NOS1AP: variants seen among roughly 807,000 people sequenced by gnomAD.
NOS1AP encodes the protein carboxyl-terminal PDZ ligand of neuronal nitric oxide synthase protein.
Under a neutral mutation model 56.2 loss-of-function variants are expected in NOS1AP, and 21 were observed. That is an observed-to-expected ratio of 0.37 (90% CI 0.26 to 0.54). NOS1AP has a LOEUF of 0.54. NOS1AP is among the 20% of genes least tolerant of loss of function. NOS1AP has a pLI of 0.84. For synonymous variants in NOS1AP, 270 were observed against 274.6 expected (o/e 0.98, Z 0.17); for missense variants, 522 against 657.8 (o/e 0.79, Z 2.26).
chr1:162,262,160 C>G (rs1022848572), intron 2 of NOS1AP, among the ~76,000 whole-genome samples: 1 of 152,106 alleles, frequency 6.6e-6, no homozygotes, highest in Non-Finnish European at 1.5e-5. Flanking sequence ...GTCTGACACC[C>G]GTTTTGGTTT....
At chr1:162,110,147 C>G (rs916299484) in intron 1 of NOS1AP, among the ~76,000 whole-genome samples, 2 of 151,992 alleles carry the variant, frequency 1.3e-5, no homozygotes, top group Non-Finnish European at 2.9e-5. Context: ...CTGCTTTGCT[C>G]TCATTGAATA....
At chr1:162,147,605 A>G (rs1649529675) in intron 1 of NOS1AP, among the ~76,000 whole-genome samples, 1 of 152,202 alleles carries the variant, frequency 6.6e-6, no homozygotes, top group South Asian at 2.1e-4. Flanking sequence ...GAAGCCAGCA[A>G]GTGAAAGCAC....
intron 2 of NOS1AP, among the ~76,000 whole-genome samples, chr1:162,256,492 C>G (rs563752721): frequency 2.6e-4 from 40 of 152,318 alleles, no homozygotes; most frequent in African/African-American, 8.9e-4. Context: ...TTACTGTCTC[C>G]TTTCAGACTG....
intron 2 of NOS1AP, among the ~76,000 whole-genome samples, chr1:162,242,276 C>A (rs1653510069): frequency 6.6e-6 from 1 of 152,188 alleles, no homozygotes; most frequent in Non-Finnish European, 1.5e-5. Flanking sequence ...GAGTTTGTGA[C>A]TACTCTTGAA....
intron 1 of NOS1AP, among the ~76,000 whole-genome samples, chr1:162,128,702 T>C (rs1202293164): frequency 6.6e-6 from 1 of 152,182 alleles, no homozygotes. Flanking sequence ...AGGTATGTAG[T>C]TAAGTGTCTG....
intron 2 of NOS1AP, among the ~76,000 whole-genome samples, chr1:162,266,543 T>C (rs911747260): frequency 6.6e-6 from 1 of 152,230 alleles, no homozygotes; most frequent in African/African-American, 2.4e-5. Flanking sequence ...TTAGCTGGTC[T>C]CTACCACCAA....
chr1:162,281,097 C>T lies in NOS1AP; in HGVS notation c.178-6247C>T, dbSNP rs534349313. On this transcript the variant is annotated intron_variant, in intron 2 of 9. Coordinates refer to ENST00000361897, the MANE Select transcript of NOS1AP (RefSeq NM_014697.3). ...TCCTAACTGTACAGTCAAATGATTA[C>T]GAGTGGCTTTGGCCAATAATGACAG... 1.1e-4 allele frequency among the ~76,000 whole-genome samples: 16 copies of T among 152,276 alleles called. No individual in the cohort carries two copies. The South Asian group carries it at 1.7e-3, about 16-fold the overall frequency.
intron 2 of NOS1AP, among the ~76,000 whole-genome samples, chr1:162,257,355 A>G (rs1431433588): frequency 6.6e-6 from 1 of 152,244 alleles, no homozygotes. Flanking sequence ...AAGAGAAAGC[A>G]AGCCAGGCCC....
At chr1:162,261,533 AG>A (rs1279775370) in intron 2 of NOS1AP, among the ~76,000 whole-genome samples, 187 of 8,892 alleles carry the variant, frequency 0.021, 72 homozygotes, top group Non-Finnish European at 0.067. Context: ...AGAGAGAGAG[AG>A]AGAGAGAGAG....
chr1:162,233,024 TTAAA>T (rs1366353469), intron 2 of NOS1AP, among the ~76,000 whole-genome samples: 5 of 152,188 alleles, frequency 3.3e-5, no homozygotes, highest in Non-Finnish European at 5.9e-5. Flanking sequence ...CCCTTAAGAA[TTAAA>T]CTGTGTAGTG....
intron 2 of NOS1AP, among the ~76,000 whole-genome samples, chr1:162,200,981 G>A (rs1279512661): frequency 6.6e-6 from 1 of 152,152 alleles, no homozygotes; most frequent in African/African-American, 2.4e-5. Flanking sequence ...ATAGGGGTTT[G>A]TTGTACAGAG....
intron 2 of NOS1AP, among the ~76,000 whole-genome samples, chr1:162,221,184 C>T (rs1652755381): frequency 6.6e-6 from 1 of 152,172 alleles, no homozygotes. Context: ...CCCGATCCAC[C>T]CACCTTGGCC....
intron 2 of NOS1AP, among the ~76,000 whole-genome samples, chr1:162,236,813 A>C (rs953303277): frequency 6.6e-6 from 1 of 152,188 alleles, no homozygotes; most frequent in Non-Finnish European, 1.5e-5. Flanking sequence ...GGCTGGTTTC[A>C]GGCTTCCTGG....
intron 1 of NOS1AP, among the ~76,000 whole-genome samples, chr1:162,114,846 G>A (rs138143825): frequency 3.9e-5 from 6 of 152,212 alleles, no homozygotes; most frequent in Non-Finnish European, 8.8e-5. Context: ...ACCTCTCCCC[G>A]TGACTAAATC....
At chr1:162,345,951 A>G (rs1657280811) in intron 6 of NOS1AP, among the ~76,000 whole-genome samples, 1 of 152,224 alleles carries the variant, frequency 6.6e-6, no homozygotes, top group Admixed American at 6.5e-5. Context: ...AAGATGAATG[A>G]TAGCAGAGGA....
chr1:162,100,951 T>C lies in NOS1AP; in HGVS notation c.105+30669T>C, dbSNP rs537317098. ...AGCTCTTTAGTTTAATTAGATCCCA[T>C]TTGTCAAGTTTTGCTTCTGTTGCAA... is the stretch of plus-strand genomic sequence containing the variant. On this transcript the variant is annotated intron_variant, in intron 1 of 9. Coordinates refer to ENST00000361897, the MANE Select transcript of NOS1AP (RefSeq NM_014697.3). Among the ~76,000 whole-genome samples, 18 of 152,336 alleles carry C rather than the reference T, an allele frequency of 1.2e-4. No homozygotes were observed. The East Asian group carries it at 3.3e-3, about 28-fold the overall frequency.
chr1:162,349,109 C>T (rs181342761), intron 6 of NOS1AP, among the ~76,000 whole-genome samples: 55 of 152,140 alleles, frequency 3.6e-4, no homozygotes, highest in African/African-American at 1.2e-3. Flanking sequence ...ATTGCTTGAA[C>T]CCGGGAGGTG....
intron 6 of NOS1AP, 106 bp from the exon 7 acceptor site, chr1:162,355,081 G>T: frequency 7.9e-7 from 1 of 1,258,268 alleles, no homozygotes; most frequent in Non-Finnish European, 1.1e-6. Flanking sequence ...TACAAAGCCA[G>T]TGGCATCCCT....
At chr1:162,237,528 G>A (rs2101676717) in intron 2 of NOS1AP, among the ~76,000 whole-genome samples, 1 of 152,308 alleles carries the variant, frequency 6.6e-6, no homozygotes, top group East Asian at 1.9e-4. Context: ...TCAGTGCCTG[G>A]TTTGTTAAGG....
Sources: allele counts gnomAD v4.1 joint callset (sites outside exome capture counted in the v4.1 genomes callset), GRCh38; gene constraint gnomAD v4.1.1; transcripts MANE v1.5; gene names NCBI Gene and HGNC (gene_info 2026-07-23, HGNC 2026-07-21).